Variants in SLC45A4 observed in about 807,000 individuals in gnomAD.
The protein encoded by SLC45A4 is solute carrier family 45 member 4.
In SLC45A4, 32 loss-of-function variants were observed where a neutral mutation model predicts 63.7. The ratio of observed to expected loss-of-function variants is 0.50; its 90% CI spans 0.38 to 0.67. The LOEUF (loss-of-function observed/expected upper bound fraction) is 0.67. SLC45A4 is among the 30% of genes least tolerant of loss of function. SLC45A4 has a pLI of 0.00. For synonymous variants in SLC45A4, 535 were observed against 510.0 expected (o/e 1.05, Z -0.66); for missense variants, 1,027 against 1,157.7 (o/e 0.89, Z 1.64).
In SLC45A4 at chr8:141,218,431, C is replaced by T. The variant is rs200452971; in HGVS notation, c.1209G>A (p.Thr403=). The change falls in exon 5 of 9, where the codon ACG becomes ACA. Residue 403 remains threonine, a synonymous_variant. Transcript: ENST00000517878. ...DALGGYTRVD[T]KPSATSSSMR... ...TGGAGCTCGACGTGGCCGAGGGCTT[C>T]GTGTCCACCCTGGTGTAGCCGCCGA... 4.0e-5 allele frequency: 64 copies of T among 1,612,038 alleles called. 1 individual carries two copies. In the Admixed American group the frequency reaches 7.5e-4, roughly 19 times the overall value.
At chr8:141,291,326 G>T (rs1012146378) in intron 1 of SLC45A4, among the ~76,000 whole-genome samples, 8 of 152,216 alleles carry the variant, frequency 5.3e-5, no homozygotes, top group Admixed American at 3.3e-4. Flanking sequence ...AGGGCTGGGG[G>T]ACACACACGC....
At chr8:141,257,669 G>A (rs763305064) in intron 1 of SLC45A4, among the ~76,000 whole-genome samples, 12 of 152,206 alleles carry the variant, frequency 7.9e-5, no homozygotes, top group Non-Finnish European at 1.3e-4. Context: ...TTCTCAGCCA[G>A]GGGCAACTCT....
intron 1 of SLC45A4, among the ~76,000 whole-genome samples, chr8:141,307,635 C>A (rs1563689400): frequency 1.3e-5 from 2 of 152,046 alleles, no homozygotes; most frequent in Non-Finnish European, 2.9e-5. Flanking sequence ...TGGTTGAATT[C>A]TCATAAGTTA....
intron 6 of SLC45A4, among the ~76,000 whole-genome samples, chr8:141,216,510 C>T (rs770083543): frequency 1.3e-5 from 2 of 152,252 alleles, no homozygotes; most frequent in African/African-American, 2.4e-5. Flanking sequence ...ACCAATGCGC[C>T]GGCTGCTGCT....
At chr8:141,280,375 A>AGGT (rs972533943) in intron 1 of SLC45A4, among the ~76,000 whole-genome samples, 1 of 152,204 alleles carries the variant, frequency 6.6e-6, no homozygotes, top group Admixed American at 6.5e-5. Flanking sequence ...CTAAAAGGAG[A>AGGT]GGTTTTAAGA....
chr8:141,245,634 C>A (rs1463707062), intron 2 of SLC45A4, among the ~76,000 whole-genome samples: 3 of 152,164 alleles, frequency 2.0e-5, no homozygotes, highest in African/African-American at 7.2e-5. Flanking sequence ...AACTCCCAAC[C>A]TGCCGCTCAG....
At chr8:141,257,883 T>C (rs1442471820) in intron 1 of SLC45A4, among the ~76,000 whole-genome samples, 1 of 152,184 alleles carries the variant, frequency 6.6e-6, no homozygotes, top group Non-Finnish European at 1.5e-5. Context: ...CTAGGGTTAT[T>C]ACTAAATAGG....
At chr8:141,266,567 T>C (rs1220711882) in intron 1 of SLC45A4, among the ~76,000 whole-genome samples, 1 of 152,232 alleles carries the variant, frequency 6.6e-6, no homozygotes, top group East Asian at 1.9e-4. Flanking sequence ...CTGAAAAGCA[T>C]GTGGGAAATC....
intron 1 of SLC45A4, among the ~76,000 whole-genome samples, chr8:141,269,507 C>T (rs899819833): frequency 1.4e-5 from 2 of 145,216 alleles, no homozygotes; most frequent in African/African-American, 2.6e-5. Context: ...GCCTGTGTCG[C>T]GTGTGTGTAT....
chr8:141,288,931 G>C (rs932796946), intron 1 of SLC45A4, among the ~76,000 whole-genome samples: 1 of 152,268 alleles, frequency 6.6e-6, no homozygotes, highest in African/African-American at 2.4e-5. Flanking sequence ...GAGCAGTCTG[G>C]ACTGCAGTCA....
intron 5 of SLC45A4, among the ~76,000 whole-genome samples, 168 bp downstream of exon 5, chr8:141,217,843 C>T (rs903608026): frequency 5.9e-5 from 9 of 152,208 alleles, no homozygotes; most frequent in South Asian, 2.1e-4. Context: ...CAGAGGCGCG[C>T]GCGGGCCAGC....
rs763404726 is a variant in SLC45A4, at chr8:141,218,485, G to A, written c.1155C>T (p.Asn385=). Residue 385 remains asparagine (N), a synonymous_variant, in exon 5 of 9, where the codon AAC becomes AAT. Coordinates refer to ENST00000517878, the MANE Select transcript of SLC45A4 (RefSeq NM_001286646.2). ...DNHLNEAKVP[N]GSGSPTKDAL... ...CGTCTTTTGTGGGGGAGCCACTTCC[G>A]TTTGGGACTTTAGCTTCATTCAAGT... The A allele has an allele frequency of 9.9e-6, 16 of 1,613,226 alleles. No individual in the cohort carries two copies. The highest frequency in any genetic ancestry group is 2.2e-5 in the East Asian group (1 of 44,890).
intron 1 of SLC45A4, among the ~76,000 whole-genome samples, chr8:141,303,278 C>T (rs1446062094): frequency 4.0e-5 from 6 of 149,676 alleles, no homozygotes; most frequent in East Asian, 2.0e-4. Flanking sequence ...ACTATAGGCA[C>T]GTGCCATCGT....
intron 1 of SLC45A4, among the ~76,000 whole-genome samples, chr8:141,289,625 C>T (rs971177778): frequency 3.9e-5 from 6 of 152,126 alleles, no homozygotes; most frequent in South Asian, 2.1e-4. Flanking sequence ...CTCCGGTGGA[C>T]GCCATGCTGG....
intron 2 of SLC45A4, among the ~76,000 whole-genome samples, chr8:141,238,331 C>T (rs1006664905): frequency 6.6e-6 from 1 of 152,062 alleles, no homozygotes; most frequent in Non-Finnish European, 1.5e-5. Context: ...TACACAACAT[C>T]GAATTGACCT....
intron 1 of SLC45A4, among the ~76,000 whole-genome samples, chr8:141,282,926 G>T (rs1052083642): frequency 5.9e-5 from 9 of 152,354 alleles, no homozygotes; most frequent in African/African-American, 2.2e-4. Flanking sequence ...ATGTCAGCGC[G>T]GCCTCGTGCC....
chr8:141,281,557 C>A (rs1373235795), intron 1 of SLC45A4, among the ~76,000 whole-genome samples: 1 of 152,226 alleles, frequency 6.6e-6, no homozygotes, highest in Non-Finnish European at 1.5e-5. Context: ...CGACTGCTCT[C>A]AGAGACAAGG....
chr8:141,274,658 C>T (rs967518243), intron 1 of SLC45A4, among the ~76,000 whole-genome samples: 10 of 152,106 alleles, frequency 6.6e-5, no homozygotes, highest in Non-Finnish European at 1.0e-4. Flanking sequence ...CACCATGGGA[C>T]CCTCTCCCCT....
chr8:141,225,577 T>G (rs1826927640), intron 2 of SLC45A4: 1 of 152,434 alleles, frequency 6.6e-6, no homozygotes, highest in East Asian at 1.9e-4. Flanking sequence ...GAGGAGGCGC[T>G]GCGTGCACAG....
Sources: allele counts gnomAD v4.1 joint callset (sites outside exome capture counted in the v4.1 genomes callset), GRCh38; gene constraint gnomAD v4.1.1; transcripts MANE v1.5; gene names NCBI Gene and HGNC (gene_info 2026-07-23, HGNC 2026-07-21).